Variants in OTUB2 observed in about 807,000 individuals in gnomAD.
OTUB2 encodes the protein OTU deubiquitinase, ubiquitin aldehyde binding 2.
A neutral mutation model predicts 25.1 loss-of-function variants in OTUB2; 21 were observed. The observed-to-expected ratio is 0.84, with a 90% CI of 0.59 to 1.21. OTUB2 has a LOEUF of 1.21. Among genes scored for constraint, OTUB2 ranks in the 50% most tolerant of loss-of-function variants. OTUB2 has a pLI of 0.00. For synonymous variants in OTUB2, 122 were observed against 122.8 expected (o/e 0.99, Z 0.04); for missense variants, 283 against 298.0 (o/e 0.95, Z 0.37).
chr14:94,045,802 C>T lies in OTUB2; in HGVS notation c.585C>T (p.Tyr195=), dbSNP rs564363743. The change falls in exon 6 of 6, where the codon TAC becomes TAT. Residue 195 remains tyrosine, a synonymous_variant. Coordinates refer to ENST00000203664, the MANE Select transcript of OTUB2 (RefSeq NM_023112.4). The part of the protein sequence containing the change: ...QALSIALQVE[Y]VDEMDTALNH... ...TGAGCATTGCCCTGCAAGTGGAGTA[C>T]GTGGACGAGATGGATACCGCCCTGA... The T allele has an allele frequency of 3.2e-5, 51 of 1,614,190 alleles. No individual in the cohort carries two copies. Among genetic ancestry groups the T allele is most frequent in the East Asian group, 4.5e-5 (2 of 44,880 alleles).
intron 3 of OTUB2, among the ~76,000 whole-genome samples, chr14:94,041,096 C>T (rs999837954): frequency 6.6e-6 from 1 of 152,150 alleles, no homozygotes; most frequent in Non-Finnish European, 1.5e-5. Context: ...GTGGCATGAG[C>T]AGGTGGATGC....
At position 94,045,964 on chromosome 14, in the gene OTUB2, C is replaced by G. The variant is rs1176360841; in HGVS notation, c.*42C>G. On this transcript the variant is annotated 3_prime_UTR_variant, in exon 6 of 6. Coordinates refer to ENST00000203664, the MANE Select transcript of OTUB2 (RefSeq NM_023112.4). ...CAGTGGAACCTGTCACCTAATGGGA[C>G]TGCATTCTGAATGGAACATTCCGGC... is the stretch of plus-strand genomic sequence containing the variant. 6.3e-7 allele frequency: 1 copy of G among 1,584,632 alleles called. No homozygotes were observed. The highest frequency in any genetic ancestry group is 1.1e-5 in the South Asian group (1 of 90,030).
Position 94,042,436 on chromosome 14 carries a change from G to A in OTUB2, c.219-1535G>A, listed in dbSNP as rs56162970. Reference sequence around the variant, plus strand: ...TCTCCGTGCCCCAGTGCCTGGCACAGAGGGGCCCACAAGTCACTGGCGAGG... The same window carrying A: ...TCTCCGTGCCCCAGTGCCTGGCACAAAGGGGCCCACAAGTCACTGGCGAGG... On this transcript the variant is annotated intron_variant, in intron 3 of 5. Transcript: ENST00000203664. Among the ~76,000 whole-genome samples, 320 of 151,910 alleles carry A rather than the reference G, an allele frequency of 2.1e-3. 5 individuals carry two copies. The highest frequency in any genetic ancestry group is 7.3e-3 in the African/African-American group (303 of 41,424).
intron 4 of OTUB2, 78 bp from the exon 5 acceptor site, chr14:94,044,504 CGAAG>C: frequency 7.1e-7 from 1 of 1,398,870 alleles, no homozygotes; most frequent in Non-Finnish European, 9.7e-7. Context: ...GGGCTTCACG[CGAAG>C]GGAGGGAGCG....
chr14:94,038,409 G>T (rs992037309), intron 2 of OTUB2, among the ~76,000 whole-genome samples: 3 of 152,220 alleles, frequency 2.0e-5, no homozygotes, highest in Non-Finnish European at 4.4e-5. Flanking sequence ...CATGGCTATG[G>T]GGGGAACAGG....
chr14:94,037,011 C>CGAAT (rs1885067341), intron 1 of OTUB2, among the ~76,000 whole-genome samples: 1 of 152,018 alleles, frequency 6.6e-6, no homozygotes, highest in Non-Finnish European at 1.5e-5. Flanking sequence ...AATGAATGAA[C>CGAAT]GAATGAATGA....
chr14:94,044,044 T>C lies in OTUB2; in HGVS notation c.292T>C (p.Phe98Leu). The C allele has an allele frequency of 6.2e-7, 1 of 1,614,142 alleles. No individual in the cohort carries two copies. Among genetic ancestry groups the C allele is most frequent in the South Asian group, 1.1e-5 (1 of 91,086 alleles). The part of the protein sequence containing the change: ...AGFEEHKFRN[F>L]FNAFYSVVEL... The stretch of plus-strand genomic sequence containing the variant: ...CTTTGAGGAGCACAAGTTCAGAAAC[T>C]TCTTCAATGCTGTGAGTTCACCTGG... Residue 98 changes from phenylalanine to leucine, a missense_variant, in exon 4 of 6, where the codon TTC becomes CTC. Phe to Leu is a conservative substitution (Grantham distance 22). Coordinates refer to ENST00000203664, the MANE Select transcript of OTUB2 (RefSeq NM_023112.4).
chr14:94,039,149 G>A (rs965376272), intron 3 of OTUB2, 68 bp downstream of exon 3: 47 of 1,273,954 alleles, frequency 3.7e-5, no homozygotes, highest in Non-Finnish European at 4.3e-5. Flanking sequence ...CAAGTCTCTC[G>A]GAGGTTTTCG....
At chr14:94,034,436 T>C (rs1955733) in intron 1 of OTUB2, among the ~76,000 whole-genome samples, 70,673 of 152,058 alleles carry the variant, frequency 0.46, 16,661 homozygotes, top group African/African-American at 0.54. Flanking sequence ...AAGACCTCTG[T>C]GCTCTGCCTG....
At chr14:94,026,680 C>G (rs1016747107) in intron 1 of OTUB2, 140 bp downstream of exon 1, 4 of 906,546 alleles carry the variant, frequency 4.4e-6, no homozygotes, top group Non-Finnish European at 5.8e-6. Flanking sequence ...CTTTCCGACC[C>G]CCTGAAATAC....
intron 3 of OTUB2, 101 bp downstream of exon 3, chr14:94,039,182 A>G: frequency 1.1e-6 from 1 of 934,274 alleles, no homozygotes; most frequent in South Asian, 1.5e-5. Context: ...TGGTTAACCC[A>G]GAGAATGAGC....
chr14:94,041,236 G>A (rs1236770582), intron 3 of OTUB2, among the ~76,000 whole-genome samples: 1 of 152,134 alleles, frequency 6.6e-6, no homozygotes, highest in African/African-American at 2.4e-5. Context: ...GAGTTAGCAG[G>A]ATGGAGAAGC....
In OTUB2 at chr14:94,047,631, CCT is replaced by C. The variant is rs1270081500; in HGVS notation, c.*1710_*1711del. 2.6e-5 allele frequency: 4 copies of C among 152,232 alleles called. No individual in the cohort carries two copies. Among genetic ancestry groups the C allele is most frequent in the Admixed American group, 1.3e-4 (2 of 15,290 alleles). The allele number at this position is 152,232 out of a possible 1,614,324, so 9.4% of individuals were successfully genotyped here. ...TTGCCAGACAAGTCTCCAGGGGATC[CCT>C]GTTTCCCAACTGAAAGGTGTGAACG... is the stretch of plus-strand genomic sequence containing the variant. On this transcript the variant is annotated 3_prime_UTR_variant, in exon 6 of 6. Coordinates refer to ENST00000203664, the MANE Select transcript of OTUB2 (RefSeq NM_023112.4).
intron 1 of OTUB2, among the ~76,000 whole-genome samples, chr14:94,028,918 T>C (rs1302019805): frequency 1.1e-4 from 16 of 152,192 alleles, no homozygotes; most frequent in Non-Finnish European, 4.4e-5. Flanking sequence ...GAAGGGCACA[T>C]TCCTTTTGGC....
intron 3 of OTUB2, among the ~76,000 whole-genome samples, chr14:94,042,707 G>A (rs1456064438): frequency 6.6e-6 from 1 of 152,178 alleles, no homozygotes; most frequent in African/African-American, 2.4e-5. Context: ...AGTGAGAGGC[G>A]TTAGCCAGCA....
Position 94,046,341 on chromosome 14 carries a change from CAA to C in OTUB2, c.*420_*421del, listed in dbSNP as rs1006014164. ...AAGCTCAAGGTTAGCTGTCTTAACCCAAGTGACTTACCAGGCCTACAAAAGAG... is the reference window on the plus strand; with the variant it reads ...AAGCTCAAGGTTAGCTGTCTTAACCCGTGACTTACCAGGCCTACAAAAGAG... On this transcript the variant is annotated 3_prime_UTR_variant, in exon 6 of 6. Transcript: ENST00000203664. 2.1e-5 allele frequency: 5 copies of C among 243,204 alleles called. 1 individual carries two copies. The highest frequency in any genetic ancestry group is 1.9e-4 in the East Asian group (2 of 10,770). 15.1% of individuals were successfully genotyped at this position (243,204 alleles called of 1,614,324 possible). A position where few individuals can be genotyped will look rare whatever the true frequency, so the allele number is the denominator to read the frequency against.
chr14:94,043,610 T>G (rs1365177957), intron 3 of OTUB2, among the ~76,000 whole-genome samples: 1 of 152,140 alleles, frequency 6.6e-6, no homozygotes, highest in African/African-American at 2.4e-5. Context: ...AGGCCTGATG[T>G]GTGTTGTCAG....
At chr14:94,037,072 C>T (rs1885068746) in intron 1 of OTUB2, among the ~76,000 whole-genome samples, 1 of 152,172 alleles carries the variant, frequency 6.6e-6, no homozygotes, top group South Asian at 2.1e-4. Flanking sequence ...CCTTATCCTC[C>T]AGCATGAAGG....
chr14:94,039,122 C>T, intron 3 of OTUB2, 41 bp downstream of exon 3: 1 of 1,488,022 alleles, frequency 6.7e-7, no homozygotes, highest in Non-Finnish European at 9.4e-7. Context: ...GCTGTGTTCT[C>T]TGTGCTAGGT....
Sources: allele counts gnomAD v4.1 joint callset (sites outside exome capture counted in the v4.1 genomes callset), GRCh38; gene constraint gnomAD v4.1.1; transcripts MANE v1.5; gene names NCBI Gene and HGNC (gene_info 2026-07-23, HGNC 2026-07-21).